SLCO1B1: variants seen among roughly 807,000 people sequenced by gnomAD.
The protein encoded by SLCO1B1 is solute carrier organic anion transporter family member 1B1.
SLCO1B1 carries 81 observed loss-of-function variants against 70.1 expected under a neutral mutation model. That is an observed-to-expected ratio of 1.16 (90% CI 0.97 to 1.39). The LOEUF (loss-of-function observed/expected upper bound fraction) is 1.39. Among genes scored for constraint, SLCO1B1 ranks in the 40% most tolerant of loss-of-function variants. SLCO1B1 has a pLI of 0.00. For missense variants in SLCO1B1, 895 were observed against 799.6 expected (o/e 1.12, Z -1.44); for synonymous variants, 283 against 271.5 (o/e 1.04, Z -0.42).
chr12:21,197,119 A>G lies in SLCO1B1; in HGVS notation c.901A>G (p.Thr301Ala). 2 of 1,613,734 alleles carry G rather than the reference A, an allele frequency of 1.2e-6. No homozygotes were observed. Among genetic ancestry groups the G allele is most frequent in the Non-Finnish European group, 1.7e-6 (2 of 1,179,708 alleles). ...TTCACTGTCTTTGCATGTGCTGGAA[A>G]CAAATGATGAAAAGGATCAAACAGC... ...KASLSLHVLE[T>A]NDEKDQTANL... The change falls in exon 8 of 15, where the codon ACA (threonine) becomes GCA (alanine). Residue 301 changes from threonine (T) to alanine (A), a missense_variant. Thr to Ala is a moderately conservative substitution (Grantham distance 58). Transcript: ENST00000256958.
chr12:21,165,762 GT>G (rs1198167513), intron 2 of SLCO1B1, among the ~76,000 whole-genome samples: 2 of 152,098 alleles, frequency 1.3e-5, no homozygotes, highest in Admixed American at 1.3e-4. Flanking sequence ...GAAGTTAGCT[GT>G]TTGCAGCCTA....
chr12:21,226,873 G>A (rs1298139593), intron 14 of SLCO1B1, among the ~76,000 whole-genome samples: 1 of 151,790 alleles, frequency 6.6e-6, no homozygotes, highest in Admixed American at 6.6e-5. Flanking sequence ...TAAAATTTCT[G>A]TAAAAAGTAT....
intron 11 of SLCO1B1, among the ~76,000 whole-genome samples, chr12:21,213,928 G>A (rs967536172): frequency 8.7e-5 from 13 of 149,100 alleles, no homozygotes; most frequent in Admixed American, 8.0e-4. Context: ...GCTCCTTTAA[G>A]CACTTCTCTG....
intron 11 of SLCO1B1, among the ~76,000 whole-genome samples, chr12:21,214,900 C>A (rs912720920): frequency 1.3e-5 from 2 of 151,950 alleles, no homozygotes; most frequent in Admixed American, 6.5e-5. Context: ...CCAAGCCAGG[C>A]AATGCCTCGC....
intron 11 of SLCO1B1, among the ~76,000 whole-genome samples, chr12:21,215,103 G>A (rs952937530): frequency 6.6e-6 from 1 of 151,916 alleles, no homozygotes; most frequent in Non-Finnish European, 1.5e-5. Flanking sequence ...GGGTTTTTGA[G>A]ATATAGAATC....
intron 11 of SLCO1B1, among the ~76,000 whole-genome samples, chr12:21,214,203 T>C (rs567421399): frequency 6.6e-6 from 1 of 152,158 alleles, no homozygotes; most frequent in Non-Finnish European, 1.5e-5. Flanking sequence ...TTATGTACTT[T>C]TGGTCTTTGA....
chr12:21,204,566 CA>C (rs1029455944), intron 10 of SLCO1B1, among the ~76,000 whole-genome samples: 79 of 149,610 alleles, frequency 5.3e-4, no homozygotes, highest in African/African-American at 1.8e-3. Context: ...CTATGACTTA[CA>C]AATGGCAAAA....
At chr12:21,187,060 A>G (rs147379326) in intron 7 of SLCO1B1, among the ~76,000 whole-genome samples, 328 of 152,284 alleles carry the variant, frequency 2.2e-3, no homozygotes, top group African/African-American at 7.1e-3. Context: ...GCATATCTGC[A>G]TGAGCAGGTT....
chr12:21,207,907 A>AT (rs1007470974), intron 11 of SLCO1B1, among the ~76,000 whole-genome samples: 2 of 151,760 alleles, frequency 1.3e-5, no homozygotes, highest in African/African-American at 2.4e-5. Flanking sequence ...GATGTTAAAC[A>AT]TTTTTATGTG....
intron 14 of SLCO1B1, among the ~76,000 whole-genome samples, chr12:21,237,934 C>CT (rs1026674359): frequency 1.3e-4 from 20 of 152,112 alleles, no homozygotes; most frequent in African/African-American, 4.6e-4. Context: ...AGGCTGGTCT[C>CT]TAACTCCTGA....
intron 1 of SLCO1B1, among the ~76,000 whole-genome samples, chr12:21,134,468 T>A (rs2121022049): frequency 6.6e-6 from 1 of 152,092 alleles, no homozygotes; most frequent in African/African-American, 2.4e-5. Flanking sequence ...GGTCCTGGAC[T>A]TTTTTTTGTT....
intron 2 of SLCO1B1, among the ~76,000 whole-genome samples, chr12:21,165,337 T>C (rs1329906608): frequency 6.6e-6 from 1 of 152,044 alleles, no homozygotes; most frequent in African/African-American, 2.4e-5. Flanking sequence ...AAACTGAGGA[T>C]GAAAATAGAC....
Position 21,197,285 on chromosome 12 carries a change from G to T in SLCO1B1, c.970+97G>T, listed in dbSNP as rs534830434. Reference sequence around the variant, plus strand: ...ATAATAAAGCATACCCAACTCATCTGGAGTTGGCTTTCTTTTGCACTAAAT... The same window carrying T: ...ATAATAAAGCATACCCAACTCATCTTGAGTTGGCTTTCTTTTGCACTAAAT... On this transcript the variant is annotated intron_variant, in intron 8 of 14. Transcript: ENST00000256958. 6.7e-4 allele frequency: 901 copies of T among 1,339,562 alleles called. 1 individual carries two copies. Among genetic ancestry groups the T allele is most frequent in the Admixed American group, 8.2e-4 (38 of 46,252 alleles). The allele number at this position is 1,339,562 out of a possible 1,614,324, so 83.0% of individuals were successfully genotyped here.
chr12:21,154,173 T>C (rs569710689), intron 2 of SLCO1B1, among the ~76,000 whole-genome samples: 4 of 152,234 alleles, frequency 2.6e-5, no homozygotes, highest in Non-Finnish European at 4.4e-5. Flanking sequence ...ACAAACATTC[T>C]AGCATGATTC....
chr12:21,236,618 G>A (rs1251729728), intron 14 of SLCO1B1, among the ~76,000 whole-genome samples: 1 of 152,156 alleles, frequency 6.6e-6, no homozygotes, highest in Non-Finnish European at 1.5e-5. Context: ...TGTGAGGGGA[G>A]CAGAGAAGCA....
intron 2 of SLCO1B1, among the ~76,000 whole-genome samples, chr12:21,160,291 G>T (rs185853302): frequency 1.3e-5 from 2 of 151,700 alleles, no homozygotes; most frequent in African/African-American, 4.8e-5. Context: ...ATAAACCAAT[G>T]GAACAAAATA....
Position 21,157,001 on chromosome 12 carries a change from A to T in SLCO1B1, c.84+15343A>T, listed in dbSNP as rs1185862171. ...ATACATGTACAATGCAATGATATTCACAAACATCTTCATGAACACACGAAC... is the reference window on the plus strand; with the variant it reads ...ATACATGTACAATGCAATGATATTCTCAAACATCTTCATGAACACACGAAC... On this transcript the variant is annotated intron_variant, in intron 2 of 14. Transcript: ENST00000256958. 2.6e-5 allele frequency among the ~76,000 whole-genome samples: 4 copies of T among 152,322 alleles called. No individual in the cohort carries two copies. The East Asian group carries it at 7.7e-4, about 29-fold the overall frequency.
chr12:21,199,278 G>A (rs1941129928), intron 8 of SLCO1B1, among the ~76,000 whole-genome samples: 1 of 152,108 alleles, frequency 6.6e-6, no homozygotes. Flanking sequence ...TCTTGGCTCT[G>A]TCTTGATGAA....
intron 2 of SLCO1B1, chr12:21,164,780 C>T (rs1940664341): frequency 2.1e-6 from 1 of 469,424 alleles, no homozygotes; most frequent in Admixed American, 2.3e-5. Flanking sequence ...AGACTTAGCC[C>T]CAATGTCAAC....
Sources: allele counts gnomAD v4.1 joint callset (sites outside exome capture counted in the v4.1 genomes callset), GRCh38; gene constraint gnomAD v4.1.1; transcripts MANE v1.5; gene names NCBI Gene and HGNC (gene_info 2026-07-23, HGNC 2026-07-21).